The following JKAMP variants were observed in gnomAD, a reference collection of about 807,000 sequenced individuals.
JKAMP encodes the protein JNK1/MAPK8-associated membrane protein.
In JKAMP, 20 loss-of-function variants were observed where a neutral mutation model predicts 40.2. The ratio of observed to expected loss-of-function variants is 0.50; its 90% confidence interval spans 0.35 to 0.72. The LOEUF is 0.72. JKAMP is among the 30% of genes least tolerant of loss of function. The pLI is 0.01. For synonymous variants in JKAMP, 138 were observed against 131.6 expected (o/e 1.05, Z -0.33); for missense variants, 276 against 373.0 (o/e 0.74, Z 2.14).
intron 6 of JKAMP, 48 bp downstream of exon 6, chr14:59,501,315 C>A (rs780432524): frequency 1.7e-6 from 2 of 1,189,758 alleles, no homozygotes; most frequent in Non-Finnish European, 2.5e-6. Flanking sequence ...ATAAATTTGA[C>A]AATTCAATAT....
intron 5 of JKAMP, 122 bp downstream of exon 5, chr14:59,499,030 TTTTTTTTTTTTTG>T (rs1458391598): frequency 5.4e-6 from 3 of 560,700 alleles, no homozygotes; most frequent in Non-Finnish European, 8.5e-6. Context: ...TTTTTTTTTT[TTTTTTTTTTTTTG>T]TGATGGAATC....
At chr14:59,491,637 C>T (rs1291128897) in intron 3 of JKAMP, among the ~76,000 whole-genome samples, 2 of 152,184 alleles carry the variant, frequency 1.3e-5, no homozygotes, top group African/African-American at 4.8e-5. Flanking sequence ...AAGTGACCCA[C>T]CTGCATGAAA....
chr14:59,490,107 A>G (rs1353506017), intron 3 of JKAMP, among the ~76,000 whole-genome samples: 1 of 151,938 alleles, frequency 6.6e-6, no homozygotes, highest in East Asian at 1.9e-4. Context: ...TATTTTGTAG[A>G]GACAGGGTCT....
intron 1 of JKAMP, 60 bp downstream of exon 1, chr14:59,484,653 G>T (rs1172456777): frequency 1.3e-6 from 2 of 1,550,554 alleles, no homozygotes; most frequent in Non-Finnish European, 1.7e-6. Flanking sequence ...TTTCCTACAC[G>T]GCTGGCCTCG....
At chr14:59,494,304 C>T (rs926944765) in intron 3 of JKAMP, among the ~76,000 whole-genome samples, 1 of 152,164 alleles carries the variant, frequency 6.6e-6, no homozygotes, top group African/African-American at 2.4e-5. Context: ...ATTTGCAACA[C>T]ATTTAACTAA....
Position 59,484,585 on chromosome 14 carries a change from G to A in JKAMP, c.-5G>A, listed in dbSNP as rs769407527. 5.1e-6 allele frequency: 8 copies of A among 1,577,012 alleles called. No homozygotes were observed. In the African/African-American group the frequency reaches 1.1e-4, roughly 21 times the overall value. ...TGCTTCTCGAAAAAAACCTTCAGGCGGCCCATGGGTGAGTGGTCGCCAAGA... is the reference window on the plus strand; with the variant it reads ...TGCTTCTCGAAAAAAACCTTCAGGCAGCCCATGGGTGAGTGGTCGCCAAGA... On this transcript the variant is annotated 5_prime_UTR_variant, in exon 1 of 7. Transcript: ENST00000616435.
At chr14:59,486,251 C>T (rs1890557638) in intron 1 of JKAMP, among the ~76,000 whole-genome samples, 1 of 152,054 alleles carries the variant, frequency 6.6e-6, no homozygotes, top group Admixed American at 6.5e-5. Flanking sequence ...TCTGCTTTTC[C>T]CATGTGAAAA....
chr14:59,485,158 G>A (rs1890435416), intron 1 of JKAMP: 1 of 1,588,996 alleles, frequency 6.3e-7, no homozygotes, highest in Admixed American at 1.7e-5. Flanking sequence ...TTATCATACT[G>A]GTTTTCAGGC....
At chr14:59,484,621 C>T (rs1890362608) in intron 1 of JKAMP, 28 bp downstream of exon 1, 5 of 1,576,476 alleles carry the variant, frequency 3.2e-6, no homozygotes, top group Non-Finnish European at 4.3e-6. Context: ...TCCCGGGAAG[C>T]GTTTCTGGTA....
chr14:59,494,121 GGTGT>G (rs55831018), intron 3 of JKAMP, among the ~76,000 whole-genome samples: 217 of 151,072 alleles, frequency 1.4e-3, no homozygotes, highest in African/African-American at 5.1e-3. Context: ...AGAAAATTTG[GGTGT>G]GTGTGTGTGT....
At chr14:59,487,618 G>T (rs1000915779) in intron 2 of JKAMP, 56 bp from the exon 3 acceptor site, 2 of 1,288,994 alleles carry the variant, frequency 1.6e-6, no homozygotes, top group South Asian at 1.2e-5. Flanking sequence ...ATTTGGGGGG[G>T]TGTTAATGTT....
rs1566583989 is a variant in JKAMP, at chr14:59,502,762, T to TGTTTTTTTG, written c.718-1092_718-1091insGTTTTTTTG. Among the ~76,000 whole-genome samples the TGTTTTTTTG allele has an allele frequency of 9.7e-5, 13 of 133,656 alleles. No homozygotes were observed. In the East Asian group the frequency reaches 2.1e-3, roughly 22 times the overall value. The allele number at this position is 133,656 out of a possible 152,430, so 87.7% of individuals were successfully genotyped here. Reference sequence around the variant, plus strand: ...TGAATAAAATGAGATTTTTTTTTTTTTTTTTTTTTTTCGGAGTCTCACTCT... The same window carrying TGTTTTTTTG: ...TGAATAAAATGAGATTTTTTTTTTTTGTTTTTTTGTTTTTTTTTTTCGGAGTCTCACTCT... On this transcript the variant is annotated intron_variant, in intron 6 of 6. Coordinates refer to ENST00000616435, the MANE Select transcript of JKAMP (RefSeq NM_016475.5).
At chr14:59,494,203 AAAAAT>A (rs1004065263) in intron 3 of JKAMP, among the ~76,000 whole-genome samples, 12 of 152,210 alleles carry the variant, frequency 7.9e-5, no homozygotes, top group East Asian at 3.9e-4. Context: ...AAGTAGAAAA[AAAAAT>A]AAAAGCCTGG....
intron 1 of JKAMP, chr14:59,485,166 G>T (rs373133381): frequency 2.5e-5 from 39 of 1,581,728 alleles, no homozygotes; most frequent in Admixed American, 1.2e-4. Flanking sequence ...CTGGTTTTCA[G>T]GCCTTGGATT....
In JKAMP at chr14:59,504,504, A is replaced by T. The variant is rs1892200586; in HGVS notation, c.*432A>T. On this transcript the variant is annotated 3_prime_UTR_variant, in exon 7 of 7. Coordinates refer to ENST00000616435, the MANE Select transcript of JKAMP (RefSeq NM_016475.5). The stretch of plus-strand genomic sequence containing the variant: ...CCTATAATGAATTGTAAAAACAAAC[A>T]TACTTGTGGGGTCTGATAGCAAACA... The T allele has an allele frequency of 1.3e-5, 2 of 155,110 alleles. No individual in the cohort carries two copies. The highest frequency in any genetic ancestry group is 4.0e-4 in the South Asian group (2 of 4,948). 9.6% of individuals were successfully genotyped at this position (155,110 alleles called of 1,614,324 possible).
chr14:59,503,800 G>T, intron 6 of JKAMP, 54 bp from the exon 7 acceptor site: 1 of 1,069,770 alleles, frequency 9.3e-7, no homozygotes, highest in Non-Finnish European at 1.4e-6. Flanking sequence ...TTACCCAGCT[G>T]ACTTAGCCTG....
chr14:59,495,285 G>T (rs894253043), intron 4 of JKAMP, 61 bp downstream of exon 4: 72 of 1,323,010 alleles, frequency 5.4e-5, no homozygotes, highest in Non-Finnish European at 7.2e-5. Context: ...GATTATTATA[G>T]ATTTTATGGC....
intron 6 of JKAMP, among the ~76,000 whole-genome samples, chr14:59,502,247 A>ATT (rs953233879): frequency 6.6e-6 from 1 of 152,182 alleles, no homozygotes; most frequent in African/African-American, 2.4e-5. Flanking sequence ...AATGGCTCTG[A>ATT]TTTAAGAACT....
intron 2 of JKAMP, chr14:59,487,055 T>A (rs1366427255): frequency 3.2e-6 from 1 of 310,500 alleles, no homozygotes; most frequent in Non-Finnish European, 6.0e-6. Context: ...AGAAAAAAAT[T>A]AGCTGGGCAT....
Sources: allele counts gnomAD v4.1 joint callset (sites outside exome capture counted in the v4.1 genomes callset), GRCh38; gene constraint gnomAD v4.1.1; transcripts MANE v1.5; gene names NCBI Gene and HGNC (gene_info 2026-07-23, HGNC 2026-07-21).